The following FAT1 variants were observed in gnomAD, a reference collection of about 807,000 sequenced individuals.
FAT1 encodes the protein protocadherin Fat 1.
FAT1 carries 171 observed loss-of-function variants against 329.8 expected under a neutral mutation model. The ratio of observed to expected loss-of-function variants is 0.52; its 90% CI spans 0.46 to 0.59. FAT1 has a LOEUF of 0.59. Among genes scored for constraint, FAT1 ranks in the 20% least tolerant of loss-of-function variants. The pLI is 0.00. For missense variants in FAT1, 5,672 were observed against 5,774.4 expected (o/e 0.98, Z 0.57); for synonymous variants, 2,233 against 2,228.6 (o/e 1.00, Z -0.06).
rs907118309 is a variant in FAT1, at chr4:186,619,068, G to A, written c.7518C>T (p.Pro2506=). Residue 2506 remains proline, a synonymous_variant, in exon 10 of 27, where the codon CCC becomes CCT. Transcript: ENST00000441802. ...TCACCTCCATCACCAGGGTATGTAGGGGAGCGTTTTCAGCTAGTTCCACTT... is the reference window on the plus strand; with the variant it reads ...TCACCTCCATCACCAGGGTATGTAGAGGAGCGTTTTCAGCTAGTTCCACTT... ...EYEVELAENA[P]LHTLVMEVKT... is the part of the protein sequence containing the mutation. The A allele has an allele frequency of 2.5e-6, 4 of 1,613,852 alleles. No homozygotes were observed. The highest frequency in any genetic ancestry group is 3.4e-6 in the Non-Finnish European group (4 of 1,179,910).
At chr4:186,621,827 T>C (rs2126528747) in intron 9 of FAT1, 52 bp from the exon 10 acceptor site, 2 of 1,115,196 alleles carry the variant, frequency 1.8e-6, no homozygotes, top group South Asian at 1.7e-5. Context: ...GGGGCAGTAG[T>C]AGTAGTAGTT....
intron 1 of FAT1, among the ~76,000 whole-genome samples, chr4:186,718,840 A>G (rs1745336498): frequency 6.6e-6 from 1 of 152,062 alleles, no homozygotes; most frequent in Non-Finnish European, 1.5e-5. Context: ...TGCTCCACAG[A>G]GATCCTGCAG....
intron 26 of FAT1, among the ~76,000 whole-genome samples, chr4:186,591,284 G>A (rs1738228219): frequency 6.6e-6 from 1 of 152,174 alleles, no homozygotes; most frequent in Admixed American, 6.5e-5. Context: ...TTTTAAACAA[G>A]GCTTTCTATG....
chr4:186,649,902 T>C (rs1741554879), intron 3 of FAT1, among the ~76,000 whole-genome samples: 1 of 152,242 alleles, frequency 6.6e-6, no homozygotes, highest in African/African-American at 2.4e-5. Flanking sequence ...CACCTTTTTA[T>C]TTGGATAGCA....
intron 14 of FAT1, among the ~76,000 whole-genome samples, chr4:186,610,286 A>G (rs1739341419): frequency 6.6e-6 from 1 of 152,072 alleles, no homozygotes; most frequent in African/African-American, 2.4e-5. Context: ...TGCTTATTAT[A>G]AACATGATGA....
intron 24 of FAT1, 31 bp from the exon 25 acceptor site, chr4:186,597,202 C>T (rs1738573971): frequency 1.3e-6 from 2 of 1,555,312 alleles, no homozygotes; most frequent in Non-Finnish European, 1.7e-6. Flanking sequence ...GAGGAGAGAC[C>T]TCTGTAGCAT....
chr4:186,684,616 T>C (rs999447048), intron 2 of FAT1, among the ~76,000 whole-genome samples: 3 of 152,102 alleles, frequency 2.0e-5, no homozygotes, highest in African/African-American at 7.2e-5. Flanking sequence ...GCAACTAACA[T>C]TCCTCTCACA....
intron 2 of FAT1, among the ~76,000 whole-genome samples, chr4:186,673,040 G>T (rs927641650): frequency 6.6e-6 from 1 of 152,114 alleles, no homozygotes; most frequent in Non-Finnish European, 1.5e-5. Context: ...TTACACAGAA[G>T]AATGTCAGTG....
At chr4:186,654,323 C>A (rs1741805352) in intron 3 of FAT1, among the ~76,000 whole-genome samples, 2 of 152,144 alleles carry the variant, frequency 1.3e-5, no homozygotes, top group South Asian at 2.1e-4. Flanking sequence ...TCCTCTGACT[C>A]CTAACGAAAG....
chr4:186,693,688 T>C (rs1298295418), intron 2 of FAT1, among the ~76,000 whole-genome samples: 1 of 104,234 alleles, frequency 9.6e-6, no homozygotes, highest in African/African-American at 4.3e-5. Flanking sequence ...GTGACCCAAA[T>C]GAGTGGAGGC....
chr4:186,643,788 TCC>T (rs111521404), intron 3 of FAT1, among the ~76,000 whole-genome samples: 4 of 131,106 alleles, frequency 3.1e-5, no homozygotes, highest in Admixed American at 1.6e-4. Context: ...CTGCTCCTCA[TCC>T]CCCCCCCACC....
rs1033246023 is a variant in FAT1, at chr4:186,635,144, C to T, written c.4183+881G>A. On this transcript the variant is annotated intron_variant, in intron 6 of 26. Coordinates refer to ENST00000441802, the MANE Select transcript of FAT1 (RefSeq NM_005245.4). Reference sequence around the variant, plus strand: ...AAAGGTAAGGCCTGGCCTGGCCTGACATGCCCAGTGGTCTGGGTCCATCAG... The same window carrying T: ...AAAGGTAAGGCCTGGCCTGGCCTGATATGCCCAGTGGTCTGGGTCCATCAG... Among the ~76,000 whole-genome samples, 4 of 152,172 alleles carry T rather than the reference C, an allele frequency of 2.6e-5. No homozygotes were observed. In the East Asian group the frequency reaches 7.7e-4, roughly 29 times the overall value.
In FAT1 at chr4:186,707,290, G is replaced by A. The variant is rs2126687291; in HGVS notation, c.2538C>T (p.Ala846=). ...EVHSEIIQVE[A]TDKDLGPNGH... The stretch of plus-strand genomic sequence containing the variant: ...CGTTGGGCCCCAGGTCTTTATCTGT[G>A]GCTTCAACCTGGATGATTTCACTAT... Residue 846 remains alanine, a synonymous_variant, in exon 2 of 27, where the codon GCC becomes GCT. Coordinates refer to ENST00000441802, the MANE Select transcript of FAT1 (RefSeq NM_005245.4). 6.2e-7 allele frequency: 1 copy of A among 1,613,890 alleles called. No homozygotes were observed. Among genetic ancestry groups the A allele is most frequent in the Non-Finnish European group, 8.5e-7 (1 of 1,179,898 alleles).
chr4:186,680,522 C>T (rs1339077730), intron 2 of FAT1, among the ~76,000 whole-genome samples: 1 of 152,196 alleles, frequency 6.6e-6, no homozygotes, highest in African/African-American at 2.4e-5. Context: ...CTCCCAAATA[C>T]CTTTACAAAG....
At chr4:186,633,945 G>A in intron 6 of FAT1, 122 bp from the exon 7 acceptor site, 1 of 1,017,696 alleles carries the variant, frequency 9.8e-7, no homozygotes, top group Non-Finnish European at 1.4e-6. Flanking sequence ...GAGCTTCCAA[G>A]GAGGAGCATT....
chr4:186,659,785 C>T (rs889472895), intron 3 of FAT1, among the ~76,000 whole-genome samples: 1 of 149,000 alleles, frequency 6.7e-6, no homozygotes, highest in Non-Finnish European at 1.5e-5. Context: ...ACTTTACACA[C>T]ACAATCCGGC....
chr4:186,672,660 C>G (rs553359900), intron 2 of FAT1, among the ~76,000 whole-genome samples: 3 of 152,296 alleles, frequency 2.0e-5, no homozygotes, highest in Admixed American at 6.5e-5. Flanking sequence ...AAGTAGGTAA[C>G]GTTATCATAT....
At chr4:186,700,401 C>T (rs757147800) in intron 2 of FAT1, among the ~76,000 whole-genome samples, 16 of 152,226 alleles carry the variant, frequency 1.1e-4, no homozygotes, top group South Asian at 2.1e-4. Flanking sequence ...GATTCACCCA[C>T]GCCTTCGCTG....
chr4:186,711,876 C>T (rs541299147), intron 1 of FAT1, among the ~76,000 whole-genome samples: 3 of 152,044 alleles, frequency 2.0e-5, no homozygotes, highest in Non-Finnish European at 2.9e-5. Flanking sequence ...GCCGAGATCG[C>T]GCCACTGCAC....
Sources: gnomAD v4.1 joint callset for allele counts (sites outside exome capture counted in the v4.1 genomes callset) on GRCh38, gnomAD v4.1.1 for gene constraint, MANE v1.5 for transcripts, NCBI Gene and HGNC (gene_info 2026-07-23, HGNC 2026-07-21) for gene names.